The following KCNB2 variants were observed in gnomAD, a reference collection of about 807,000 sequenced individuals.
KCNB2 encodes delayed rectifier potassium channel protein.
A neutral mutation model predicts 61.5 loss-of-function variants in KCNB2; 15 were observed. That is an observed-to-expected ratio of 0.24 (90% CI 0.16 to 0.38). The LOEUF (loss-of-function observed/expected upper bound fraction) is 0.38. KCNB2 is among the 10% of genes least tolerant of loss of function. The probability of loss-of-function intolerance (pLI) is 1.00; values close to 1 mark genes in which losing one functional copy is unlikely to be tolerated. For missense variants in KCNB2, 828 were observed against 1,125.2 expected (o/e 0.74, Z 3.78); for synonymous variants, 457 against 446.0 (o/e 1.02, Z -0.31).
intron 2 of KCNB2, among the ~76,000 whole-genome samples, chr8:72,742,871 A>AT (rs1364802994): frequency 6.6e-6 from 1 of 152,140 alleles, no homozygotes; most frequent in African/African-American, 2.4e-5. Context: ...TTGGCTCTGT[A>AT]TTTTTAAAAA....
intron 2 of KCNB2, among the ~76,000 whole-genome samples, chr8:72,569,286 G>T (rs568418780): frequency 6.6e-6 from 1 of 152,290 alleles, no homozygotes; most frequent in African/African-American, 2.4e-5. Flanking sequence ...GTCATCACAT[G>T]AATTCTTTTG....
At chr8:72,573,103 T>A (rs1806739655) in intron 2 of KCNB2, among the ~76,000 whole-genome samples, 1 of 152,194 alleles carries the variant, frequency 6.6e-6, no homozygotes, top group African/African-American at 2.4e-5. Context: ...GATAACTCCT[T>A]GAGAACTAGT....
intron 2 of KCNB2, among the ~76,000 whole-genome samples, chr8:72,861,098 G>A (rs1805399387): frequency 6.6e-6 from 1 of 152,142 alleles, no homozygotes; most frequent in East Asian, 1.9e-4. Flanking sequence ...TTTCTTTTCT[G>A]TGTACATTCA....
intron 2 of KCNB2, among the ~76,000 whole-genome samples, chr8:72,727,198 C>G (rs1807665341): frequency 6.6e-6 from 1 of 152,068 alleles, no homozygotes; most frequent in African/African-American, 2.4e-5. Context: ...CAGAAAATGA[C>G]TTGGCTTTTT....
chr8:72,544,701 C>T (rs1275761714), intron 1 of KCNB2, among the ~76,000 whole-genome samples: 1 of 152,152 alleles, frequency 6.6e-6, no homozygotes, highest in African/African-American at 2.4e-5. Context: ...GTTGAGGTAA[C>T]TTTAACTTCT....
In KCNB2 at chr8:72,722,465, C is replaced by T. The variant is rs148904145; in HGVS notation, c.579+154152C>T. Among the ~76,000 whole-genome samples the T allele has an allele frequency of 1.7e-3, 257 of 152,080 alleles. 1 individual carries two copies. The highest frequency in any genetic ancestry group is 5.9e-3 in the African/African-American group (246 of 41,564). On this transcript the variant is annotated intron_variant, in intron 2 of 2. Coordinates refer to ENST00000523207, the MANE Select transcript of KCNB2 (RefSeq NM_004770.3). ...TGGGATATGTAGTGCTCCCCTCTAG[C>T]CCAGAGGCTTTGCATGCGCTGGGCC...
chr8:72,666,494 T>A (rs1230979387), intron 2 of KCNB2, among the ~76,000 whole-genome samples: 1 of 152,188 alleles, frequency 6.6e-6, no homozygotes, highest in African/African-American at 2.4e-5. Context: ...TTCATACCAC[T>A]ATCTTGATTT....
intron 2 of KCNB2, among the ~76,000 whole-genome samples, chr8:72,597,963 C>A (rs1444968793): frequency 6.6e-6 from 1 of 152,154 alleles, no homozygotes; most frequent in East Asian, 1.9e-4. Flanking sequence ...TTCGACCCAG[C>A]AATCCCATTA....
rs199723904 is a variant in KCNB2, at chr8:72,937,291, G to A, written c.1936G>A (p.Ala646Thr). Residue 646 changes from alanine (A) to threonine (T), a missense_variant, in exon 3 of 3, where the codon GCT becomes ACT. Ala to Thr is a moderately conservative substitution (Grantham distance 58). Around this residue, in one of 4 missense-constraint regions of KCNB2, gnomAD observed 559 missense variants for 588.4 expected, o/e 0.95. Transcript: ENST00000523207. The part of the protein sequence containing the change: ...DLPGTEEHQR[A>T]RGPPFLTLSR... The stretch of plus-strand genomic sequence containing the variant: ...CCCAGGGACAGAAGAGCACCAAAGA[G>A]CTAGGGGCCCCCCGTTTCTAACTCT... 5.6e-6 allele frequency: 9 copies of A among 1,613,940 alleles called. No individual in the cohort carries two copies. Among genetic ancestry groups the A allele is most frequent in the Non-Finnish European group, 7.6e-6 (9 of 1,180,008 alleles).
chr8:72,779,909 T>C (rs1294916167), intron 2 of KCNB2, among the ~76,000 whole-genome samples: 2 of 152,188 alleles, frequency 1.3e-5, no homozygotes. Flanking sequence ...ATTCCTTTAG[T>C]TTGACAATGT....
intron 2 of KCNB2, among the ~76,000 whole-genome samples, chr8:72,888,445 C>A (rs1805841534): frequency 6.6e-6 from 1 of 152,106 alleles, no homozygotes; most frequent in South Asian, 2.1e-4. Context: ...CCTATAATCA[C>A]AGTCATAATT....
chr8:72,920,705 A>G (rs1193877031), intron 2 of KCNB2, among the ~76,000 whole-genome samples: 1 of 151,742 alleles, frequency 6.6e-6, no homozygotes, highest in Non-Finnish European at 1.5e-5. Context: ...GTGTAATTTA[A>G]TATATGGCAT....
intron 2 of KCNB2, among the ~76,000 whole-genome samples, chr8:72,851,698 T>C (rs577018506): frequency 2.9e-4 from 44 of 151,952 alleles, no homozygotes; most frequent in Non-Finnish European, 5.4e-4. Flanking sequence ...AAGATTCCAG[T>C]ACTACCATTG....
At chr8:72,747,030 A>T (rs1808084684) in intron 2 of KCNB2, among the ~76,000 whole-genome samples, 1 of 152,054 alleles carries the variant, frequency 6.6e-6, no homozygotes, top group African/African-American at 2.4e-5. Context: ...GTTTATTGAG[A>T]TGTAGAAAGA....
At chr8:72,548,943 G>A (rs919342821) in intron 1 of KCNB2, among the ~76,000 whole-genome samples, 2 of 152,146 alleles carry the variant, frequency 1.3e-5, no homozygotes, top group Admixed American at 1.3e-4. Context: ...TCACTTTGTC[G>A]AACTGGGAGG....
intron 2 of KCNB2, among the ~76,000 whole-genome samples, chr8:72,707,992 C>A (rs954471391): frequency 2.6e-5 from 4 of 152,144 alleles, no homozygotes; most frequent in African/African-American, 9.6e-5. Context: ...GAAACCAGAA[C>A]CCAGCCACAG....
chr8:72,735,766 C>T (rs1487084324), intron 2 of KCNB2, among the ~76,000 whole-genome samples: 5 of 152,140 alleles, frequency 3.3e-5, no homozygotes, highest in East Asian at 1.9e-4. Context: ...GTATGCATAG[C>T]AGTCTTTTAC....
chr8:72,540,832 A>G (rs1806178878), intron 1 of KCNB2, among the ~76,000 whole-genome samples: 2 of 152,092 alleles, frequency 1.3e-5, no homozygotes, highest in African/African-American at 4.8e-5. Flanking sequence ...TTGAATTTTA[A>G]CTATCTTTGC....
rs112029028 is a variant in KCNB2, at chr8:72,664,798, G to A, written c.579+96485G>A. On this transcript the variant is annotated intron_variant, in intron 2 of 2. Coordinates refer to ENST00000523207, the MANE Select transcript of KCNB2 (RefSeq NM_004770.3). ...GTAAAATCACAATATGTTAGAAAACGATAACTGCAAATGCATGAGACTAGT... is the reference window on the plus strand; with the variant it reads ...GTAAAATCACAATATGTTAGAAAACAATAACTGCAAATGCATGAGACTAGT... Among the ~76,000 whole-genome samples, 280 of 152,240 alleles carry A rather than the reference G, an allele frequency of 1.8e-3. 2 individuals are homozygous for A. The highest frequency in any genetic ancestry group is 6.5e-3 in the African/African-American group (269 of 41,530).
Sources: gnomAD v4.1 joint callset for allele counts (sites outside exome capture counted in the v4.1 genomes callset) on GRCh38, gnomAD v4.1.1 for gene constraint, gnomAD v4.1.1 regional missense constraint, MANE v1.5 for transcripts, NCBI Gene and HGNC (gene_info 2026-07-23, HGNC 2026-07-21) for gene names.